The following SEPTIN7 variants were observed in gnomAD, a reference collection of about 807,000 sequenced individuals.
SEPTIN7 encodes the protein septin 7.
A neutral mutation model predicts 63.3 loss-of-function variants in SEPTIN7; 10 were observed. The observed-to-expected ratio is 0.16, with a 90% CI of 0.10 to 0.27. The LOEUF is 0.27. SEPTIN7 is among the 10% of genes least tolerant of loss of function. The probability of loss-of-function intolerance (pLI) is 1.00; values close to 1 mark genes in which losing one functional copy is unlikely to be tolerated. For synonymous variants in SEPTIN7, 131 were observed against 165.3 expected, an observed-to-expected ratio of 0.79 and a Z score of 1.59; for missense variants, 310 against 521.0, an observed-to-expected ratio of 0.59 and a Z score of 3.94.
chr7:35,833,037 A>G, intron 3 of SEPTIN7, 137 bp downstream of exon 3: 4 of 584,680 alleles, frequency 6.8e-6, no homozygotes, highest in South Asian at 4.6e-5. Flanking sequence ...TTATGTGCAT[A>G]CATTTTAAAA....
intron 4 of SEPTIN7, among the ~76,000 whole-genome samples, chr7:35,871,730 C>G (rs1158261045): frequency 6.6e-6 from 1 of 152,186 alleles, no homozygotes; most frequent in Non-Finnish European, 1.5e-5. Context: ...TATCAGCATA[C>G]TTGGAGCCTC....
chr7:35,868,139 G>A (rs971374019), intron 4 of SEPTIN7, among the ~76,000 whole-genome samples: 1 of 152,054 alleles, frequency 6.6e-6, no homozygotes, highest in Non-Finnish European at 1.5e-5. Flanking sequence ...GAAAGCGCTG[G>A]GATTACAGGT....
At chr7:35,853,047 A>C (rs1193866970) in intron 3 of SEPTIN7, among the ~76,000 whole-genome samples, 1 of 152,210 alleles carries the variant, frequency 6.6e-6, no homozygotes, top group Non-Finnish European at 1.5e-5. Context: ...TGACAAGATT[A>C]AAGGCTGTTG....
chr7:35,831,404 C>A, intron 1 of SEPTIN7, 88 bp from the exon 2 acceptor site: 1 of 384,714 alleles, frequency 2.6e-6, no homozygotes, highest in Non-Finnish European at 5.0e-6. Flanking sequence ...CATTACAATT[C>A]TTGGAATTCT....
chr7:35,903,796 T>C (rs1788464858), intron 13 of SEPTIN7, among the ~76,000 whole-genome samples: 1 of 152,212 alleles, frequency 6.6e-6, no homozygotes, highest in African/African-American at 2.4e-5. Flanking sequence ...TTTATCCTCA[T>C]TACTAAACAT....
chr7:35,827,661 A>G (rs958681294), intron 1 of SEPTIN7, among the ~76,000 whole-genome samples: 1 of 151,770 alleles, frequency 6.6e-6, no homozygotes, highest in Admixed American at 6.6e-5. Flanking sequence ...CAGCTAATTT[A>G]TGTATTTTTA....
intron 3 of SEPTIN7, among the ~76,000 whole-genome samples, chr7:35,859,608 T>C (rs903670574): frequency 5.3e-5 from 8 of 152,204 alleles, no homozygotes; most frequent in African/African-American, 1.7e-4. Context: ...CCAACTATTA[T>C]TATAGAACTG....
At chr7:35,902,593 C>T (rs989422463) in intron 12 of SEPTIN7, 1 of 152,200 alleles carries the variant, frequency 6.6e-6, no homozygotes, top group African/African-American at 2.4e-5. Flanking sequence ...CCTAAACTAC[C>T]TGCTTTCTTT....
intron 3 of SEPTIN7, among the ~76,000 whole-genome samples, chr7:35,850,420 T>C (rs1349527773): frequency 6.6e-6 from 1 of 152,184 alleles, no homozygotes; most frequent in Non-Finnish European, 1.5e-5. Flanking sequence ...AGCTCCACAG[T>C]GTGATCACCA....
At chr7:35,855,132 A>G (rs1241536081) in intron 3 of SEPTIN7, among the ~76,000 whole-genome samples, 4 of 151,708 alleles carry the variant, frequency 2.6e-5, no homozygotes, top group South Asian at 2.1e-4. Flanking sequence ...TCCTACGTCA[A>G]TTTTTTTTGT....
At chr7:35,868,086 T>G (rs1332252563) in intron 4 of SEPTIN7, among the ~76,000 whole-genome samples, 1 of 152,136 alleles carries the variant, frequency 6.6e-6, no homozygotes, top group Non-Finnish European at 1.5e-5. Context: ...GCCAGGCTGG[T>G]CTCGAACTCC....
intron 12 of SEPTIN7, chr7:35,900,052 C>CATGAA (rs1342904393): frequency 6.6e-6 from 1 of 152,148 alleles, no homozygotes; most frequent in African/African-American, 2.4e-5. Context: ...TACAGTTGAT[C>CATGAA]TCATTGCTTT....
At chr7:35,908,362 G>A (rs1427703439), downstream of SEPTIN7, among the ~76,000 whole-genome samples, 6 of 152,150 alleles carry the variant, frequency 3.9e-5, no homozygotes. Context: ...ACTATTCTTG[G>A]CCTGAACATT....
chr7:35,828,439 G>C (rs183217434), intron 1 of SEPTIN7, among the ~76,000 whole-genome samples: 3 of 152,010 alleles, frequency 2.0e-5, no homozygotes, highest in Non-Finnish European at 2.9e-5. Flanking sequence ...GCAGTGGCAC[G>C]ATCTCAGCTC....
At chr7:35,805,974 G>A (rs1370911441) in intron 1 of SEPTIN7, among the ~76,000 whole-genome samples, 1 of 152,112 alleles carries the variant, frequency 6.6e-6, no homozygotes, top group Non-Finnish European at 1.5e-5. Context: ...TTGAGGGAGG[G>A]GAGGGCTGTC....
At chr7:35,911,662 A>G (rs925054831), downstream of SEPTIN7, among the ~76,000 whole-genome samples, 12 of 152,214 alleles carry the variant, frequency 7.9e-5, no homozygotes, top group Admixed American at 5.9e-4. Context: ...AAGAGTTCCT[A>G]TTATCTGGAA....
the SEPTIN7 span, among the ~76,000 whole-genome samples, chr7:35,915,346 GACA>G: frequency 6.6e-6 from 1 of 152,116 alleles, no homozygotes; most frequent in Admixed American, 6.5e-5. Context: ...GGGAAGGAAG[GACA>G]GTAGGGACCA....
At chr7:35,813,061 C>T (rs1311532468) in intron 1 of SEPTIN7, among the ~76,000 whole-genome samples, 3 of 152,188 alleles carry the variant, frequency 2.0e-5, no homozygotes, top group Non-Finnish European at 4.4e-5. Context: ...ACCACTGTAA[C>T]AACTGTCATT....
chr7:35,806,111 G>A (rs1038139046), intron 1 of SEPTIN7, among the ~76,000 whole-genome samples: 4 of 152,202 alleles, frequency 2.6e-5, no homozygotes, highest in Non-Finnish European at 4.4e-5. Flanking sequence ...ACGTGGGGGA[G>A]CAGAATCATC....
Sources: allele counts gnomAD v4.1 joint callset (sites outside exome capture counted in the v4.1 genomes callset), GRCh38; gene constraint gnomAD v4.1.1; transcripts MANE v1.5; gene names NCBI Gene and HGNC (gene_info 2026-07-23, HGNC 2026-07-21).